Variants in VAMP4 observed in about 807,000 individuals in gnomAD.
VAMP4 encodes the protein vesicle associated membrane protein 4, also known as vesicle-associated membrane protein 4.
VAMP4 carries 19 observed loss-of-function variants against 23.5 expected under a neutral mutation model. The ratio of observed to expected loss-of-function variants is 0.81; its 90% CI spans 0.56 to 1.19. VAMP4 has a LOEUF of 1.19. VAMP4 is among the 50% of genes most tolerant of loss of function. The pLI, the probability that VAMP4 is intolerant of heterozygous loss-of-function variation, is 0.00. For synonymous variants in VAMP4, 31 were observed against 51.0 expected (o/e 0.61, Z 1.67); for missense variants, 145 against 168.6 (o/e 0.86, Z 0.78).
At chr1:171,740,268 C>G (rs1198770808) in intron 1 of VAMP4, among the ~76,000 whole-genome samples, 1 of 152,230 alleles carries the variant, frequency 6.6e-6, no homozygotes, top group African/African-American at 2.4e-5. Flanking sequence ...TAGAAAGACT[C>G]ACTTCCTGCT....
intron 2 of VAMP4, among the ~76,000 whole-genome samples, chr1:171,734,061 A>T (rs1042817849): frequency 2.6e-5 from 4 of 152,160 alleles, no homozygotes; most frequent in African/African-American, 9.7e-5. Flanking sequence ...TGAGGTCAGG[A>T]GTTCGAGACT....
chr1:171,728,525 G>T lies in VAMP4; in HGVS notation c.112C>A (p.Leu38Ile). 2 of 1,536,304 alleles carry T rather than the reference G, an allele frequency of 1.3e-6. No individual in the cohort carries two copies. The highest frequency in any genetic ancestry group is 1.7e-6 in the Non-Finnish European group (2 of 1,143,144). ...ATAAAGCTGTAAAAAAAAACTTACA[G>T]AAAAAAGTCCTCTTCTTCATCTGAA... ...DDSDEEEDFF[L>I]RGPSGPRFGP... is the part of the protein sequence containing the mutation. The change falls in exon 3 of 8, where the codon CTA (leucine) becomes ATA (isoleucine). Residue 38 changes from leucine to isoleucine, a missense_variant and splice_region_variant. Transcript: ENST00000236192.
intron 2 of VAMP4, among the ~76,000 whole-genome samples, chr1:171,735,529 G>A (rs186457762): frequency 6.6e-6 from 1 of 152,164 alleles, no homozygotes; most frequent in Non-Finnish European, 1.5e-5. Context: ...GTATTTACCT[G>A]ACATATCTCA....
intron 6 of VAMP4, among the ~76,000 whole-genome samples, chr1:171,707,259 T>G (rs1654689460): frequency 6.6e-6 from 1 of 152,240 alleles, no homozygotes; most frequent in Admixed American, 6.5e-5. Context: ...TTAACTCATT[T>G]ATTTTTAAAG....
chr1:171,728,754 T>A (rs1281984630), intron 2 of VAMP4, among the ~76,000 whole-genome samples, 184 bp from the exon 3 acceptor site: 3 of 152,220 alleles, frequency 2.0e-5, no homozygotes, highest in Non-Finnish European at 4.4e-5. Context: ...TTATAGACTT[T>A]GCAAAGAAAA....
chr1:171,720,166 ATTCC>A (rs1171824086), intron 3 of VAMP4, among the ~76,000 whole-genome samples: 1 of 151,998 alleles, frequency 6.6e-6, no homozygotes, highest in Non-Finnish European at 1.5e-5. Context: ...ACAGTATTCC[ATTCC>A]AAAGTGATGT....
At position 171,704,644 on chromosome 1, in the gene VAMP4, G is replaced by A. The variant is rs958238903; in HGVS notation, c.398-110C>T. The A allele has an allele frequency of 3.8e-6, 3 of 788,090 alleles. No individual in the cohort carries two copies. The African/African-American group carries it at 5.4e-5, about 14-fold the overall frequency. 48.8% of individuals were successfully genotyped at this position (788,090 alleles called of 1,614,324 possible). ...GTCTACTTTTAGAAATGGGTAATGA[G>A]GATTGACTGAACTTTTATCTGAGGT... On this transcript the variant is annotated intron_variant, in intron 7 of 7. Transcript: ENST00000236192.
intron 4 of VAMP4, among the ~76,000 whole-genome samples, chr1:171,712,442 G>A (rs538687776): frequency 6.6e-6 from 1 of 152,230 alleles, no homozygotes; most frequent in East Asian, 1.9e-4. Flanking sequence ...GGATTCAGAA[G>A]TACTCTCAGA....
intron 4 of VAMP4, among the ~76,000 whole-genome samples, chr1:171,712,634 G>A (rs926179825): frequency 1.3e-5 from 2 of 152,200 alleles, no homozygotes; most frequent in African/African-American, 4.8e-5. Context: ...AGTTGGGCAT[G>A]CAGAATTCTC....
intron 6 of VAMP4, among the ~76,000 whole-genome samples, chr1:171,709,168 T>G (rs1654765243): frequency 6.6e-6 from 1 of 152,116 alleles, no homozygotes; most frequent in Non-Finnish European, 1.5e-5. Flanking sequence ...AAATTTCTTT[T>G]ACTTTTTATT....
At chr1:171,716,142 G>A (rs1194457714) in intron 4 of VAMP4, among the ~76,000 whole-genome samples, 1 of 152,142 alleles carries the variant, frequency 6.6e-6, no homozygotes, top group Non-Finnish European at 1.5e-5. Flanking sequence ...ATATATTGCT[G>A]TTACACCATG....
chr1:171,706,519 A>G lies in VAMP4; in HGVS notation c.346-101T>C, dbSNP rs2124836554. The G allele has an allele frequency of 5.3e-6, 6 of 1,122,986 alleles. No homozygotes were observed. The Middle Eastern group carries it at 9.5e-4, about 178-fold the overall frequency. 69.6% of individuals were successfully genotyped at this position (1,122,986 alleles called of 1,614,324 possible). ...CTGCATCATACTAAATCATCTCATC[A>G]CCTTAAGGTTTCTTAACTACAAAAC... On this transcript the variant is annotated intron_variant, in intron 6 of 7. Transcript: ENST00000236192.
intron 3 of VAMP4, among the ~76,000 whole-genome samples, chr1:171,723,710 G>C (rs1326895554): frequency 6.6e-6 from 1 of 152,182 alleles, no homozygotes; most frequent in Non-Finnish European, 1.5e-5. Context: ...ACAGGGTCCT[G>C]AGGCGACATA....
At chr1:171,707,080 G>A (rs2124837135) in intron 6 of VAMP4, among the ~76,000 whole-genome samples, 1 of 152,180 alleles carries the variant, frequency 6.6e-6, no homozygotes, top group East Asian at 1.9e-4. Context: ...GGCAGAAAAT[G>A]TTTACAGCTC....
At chr1:171,706,243 C>T (rs1654646456) in intron 7 of VAMP4, 124 bp downstream of exon 7, 2 of 790,646 alleles carry the variant, frequency 2.5e-6, no homozygotes, top group Admixed American at 6.2e-5. Context: ...GCTCCTGAGA[C>T]AGGTCAGAAG....
chr1:171,706,380 C>T lies in VAMP4; in HGVS notation c.384G>A (p.Leu128=), dbSNP rs151033097. 90 of 1,609,698 alleles carry T rather than the reference C, an allele frequency of 5.6e-5. No homozygotes were observed. The highest frequency in any genetic ancestry group is 7.5e-5 in the Non-Finnish European group (88 of 1,177,834). ...AIMALVAAIL[L]LVIIILIVMK... ...ATAAATACTTACTGATAATCACTAGCAAAAGGATAGCAGCAACCAAAGCCA... is the reference window on the plus strand; with the variant it reads ...ATAAATACTTACTGATAATCACTAGTAAAAGGATAGCAGCAACCAAAGCCA... Residue 128 remains leucine (L), a synonymous_variant, in exon 7 of 8, where the codon TTG becomes TTA. Coordinates refer to ENST00000236192, the MANE Select transcript of VAMP4 (RefSeq NM_003762.5).
At position 171,704,363 on chromosome 1, in the gene VAMP4, G is replaced by A. The variant is rs997053616; in HGVS notation, c.*143C>T. The A allele has an allele frequency of 1.2e-5, 6 of 486,848 alleles. No homozygotes were observed. The highest frequency in any genetic ancestry group is 4.5e-5 in the Admixed American group (1 of 22,452). 30.2% of individuals were successfully genotyped at this position (486,848 alleles called of 1,614,324 possible). A position where few individuals can be genotyped will look rare whatever the true frequency, so the allele number is the denominator to read the frequency against. ...GAGAAGATAATTGGACATTCTCAACGTTCCAATTTGAAGTGATACTTGCCT... is the reference window on the plus strand; with the variant it reads ...GAGAAGATAATTGGACATTCTCAACATTCCAATTTGAAGTGATACTTGCCT... On this transcript the variant is annotated 3_prime_UTR_variant, in exon 8 of 8. Coordinates refer to ENST00000236192, the MANE Select transcript of VAMP4 (RefSeq NM_003762.5).
At chr1:171,710,272 CAGGTAT>C (rs549414034) in intron 5 of VAMP4, among the ~76,000 whole-genome samples, 23 of 151,216 alleles carry the variant, frequency 1.5e-4, no homozygotes, top group South Asian at 4.2e-4. Flanking sequence ...AAGTACGTGC[CAGGTAT>C]AGGTATAGGT....
rs147890379 is a variant in VAMP4 at position 171,740,067 on chromosome 1, T to C, written c.-49-1604A>G. Among the ~76,000 whole-genome samples, 45 of 152,396 alleles carry C rather than the reference T, an allele frequency of 3.0e-4. No homozygotes were observed. In the East Asian group the frequency reaches 7.5e-3, roughly 25 times the overall value. ...TCAGTGATACACATGCATTTTCTTT[T>C]ACTCTTTATGATGCTTCTTTAAAGT... On this transcript the variant is annotated intron_variant, in intron 1 of 7. Transcript: ENST00000236192.
Sources: gnomAD v4.1 joint callset for allele counts (sites outside exome capture counted in the v4.1 genomes callset) on GRCh38, gnomAD v4.1.1 for gene constraint, MANE v1.5 for transcripts, NCBI Gene and HGNC (gene_info 2026-07-23, HGNC 2026-07-21) for gene names.